CPPED1: variants seen among roughly 807,000 people sequenced by gnomAD.
CPPED1 encodes the protein calcineurin like phosphoesterase domain containing 1, also known as serine/threonine-protein phosphatase CPPED1.
A neutral mutation model predicts 28.0 loss-of-function variants in CPPED1; 28 were observed. The observed-to-expected ratio is 1.00, with a 90% CI of 0.74 to 1.37. The LOEUF (loss-of-function observed/expected upper bound fraction) is 1.37, where lower values mean the gene tolerates loss of function less well. Among genes scored for constraint, CPPED1 ranks in the 40% most tolerant of loss-of-function variants. The pLI, the probability that CPPED1 is intolerant of heterozygous loss-of-function variation, is 0.00. For synonymous variants in CPPED1, 198 were observed against 180.2 expected (o/e 1.10, Z -0.79); for missense variants, 504 against 416.5 (o/e 1.21, Z -1.83).
chr16:12,707,625 G>C (rs2080058574), intron 2 of CPPED1, among the ~76,000 whole-genome samples: 1 of 152,154 alleles, frequency 6.6e-6, no homozygotes, highest in Admixed American at 6.6e-5. Context: ...AATCCCTAAT[G>C]ACCATAAACA....
chr16:12,668,554 C>T (rs895763890), intron 3 of CPPED1, among the ~76,000 whole-genome samples: 3 of 152,126 alleles, frequency 2.0e-5, no homozygotes, highest in Non-Finnish European at 4.4e-5. Context: ...GAAAAGACAA[C>T]CCATGGAATG....
intron 3 of CPPED1, among the ~76,000 whole-genome samples, chr16:12,683,830 T>G (rs138538184): frequency 2.0e-5 from 3 of 152,326 alleles, no homozygotes; most frequent in African/African-American, 7.2e-5. Flanking sequence ...AACTATGATT[T>G]ATCTACCCCG....
Position 12,691,929 on chromosome 16 carries a change from A to T in CPPED1, c.715+12695T>A, listed in dbSNP as rs554981515. On this transcript the variant is annotated intron_variant, in intron 3 of 3. Coordinates refer to ENST00000381774, the MANE Select transcript of CPPED1 (RefSeq NM_018340.3). ...GTATACGTATGTAACAAACCTGCAC[A>T]TTGTTCACATGTACCCTAAAACTTA... Among the ~76,000 whole-genome samples the T allele has an allele frequency of 2.0e-5, 3 of 151,862 alleles. No homozygotes were observed. In the South Asian group the frequency reaches 6.2e-4, roughly 32 times the overall value.
intron 3 of CPPED1, among the ~76,000 whole-genome samples, chr16:12,703,750 C>T (rs1417548331): frequency 6.7e-6 from 1 of 149,482 alleles, no homozygotes; most frequent in East Asian, 2.0e-4. Context: ...AGAGACACAA[C>T]AGTTGTCAAA....
chr16:12,682,659 G>A lies in CPPED1; in HGVS notation c.716-17544C>T, dbSNP rs913364704. Among the ~76,000 whole-genome samples the A allele has an allele frequency of 3.9e-5, 6 of 152,186 alleles. No homozygotes were observed. The highest frequency in any genetic ancestry group is 7.3e-5 in the Non-Finnish European group (5 of 68,032). On this transcript the variant is annotated intron_variant, in intron 3 of 3. Transcript: ENST00000381774. This position sits in a 1 kb window ranked among gnomAD's most constrained non-coding sequence, Gnocchi z 6.1. ...GAAGATAAGTGAGAATCAGGGACAC[G>A]CCCTGGGTGGCACAGCAGGAAGCTG...
At chr16:12,717,914 T>C (rs2080116033) in intron 2 of CPPED1, among the ~76,000 whole-genome samples, 1 of 152,222 alleles carries the variant, frequency 6.6e-6, no homozygotes, top group Non-Finnish European at 1.5e-5. Context: ...AGTGCTGTGA[T>C]TACAGGCGTG....
intron 3 of CPPED1, among the ~76,000 whole-genome samples, chr16:12,672,223 A>G (rs138663884): frequency 6.6e-6 from 1 of 152,356 alleles, no homozygotes; most frequent in African/African-American, 2.4e-5. Context: ...TAAGGGGGCA[A>G]TCTAGCAATA....
At chr16:12,781,563 G>C (rs1169466825) in intron 1 of CPPED1, among the ~76,000 whole-genome samples, 160 bp from the exon 2 acceptor site, 1 of 152,094 alleles carries the variant, frequency 6.6e-6, no homozygotes, top group East Asian at 1.9e-4. Flanking sequence ...TCATAGTCTA[G>C]AGGATTTTGA....
At chr16:12,767,405 C>T (rs556371513) in intron 2 of CPPED1, among the ~76,000 whole-genome samples, 17 of 152,152 alleles carry the variant, frequency 1.1e-4, no homozygotes, top group Non-Finnish European at 1.8e-4. Flanking sequence ...GTCACCCTCA[C>T]GAACACACCC....
chr16:12,761,882 G>T (rs146829502), intron 2 of CPPED1, among the ~76,000 whole-genome samples: 1 of 152,104 alleles, frequency 6.6e-6, no homozygotes, highest in Non-Finnish European at 1.5e-5. Context: ...ATGGTGGCAC[G>T]TGCCTGTAAT....
chr16:12,723,137 C>T (rs911923656), intron 2 of CPPED1, among the ~76,000 whole-genome samples: 2 of 152,156 alleles, frequency 1.3e-5, no homozygotes, highest in East Asian at 1.9e-4. Context: ...CACATGCACA[C>T]GCATGTACAC....
chr16:12,677,541 C>T (rs945689464), intron 3 of CPPED1, among the ~76,000 whole-genome samples: 52 of 152,190 alleles, frequency 3.4e-4, no homozygotes, highest in African/African-American at 1.2e-3. Flanking sequence ...ACTTGGGAGG[C>T]TGAGGCACGA....
chr16:12,794,720 T>C (rs886707349), intron 1 of CPPED1, among the ~76,000 whole-genome samples: 1 of 152,222 alleles, frequency 6.6e-6, no homozygotes, highest in African/African-American at 2.4e-5. Flanking sequence ...GGTCGGATCT[T>C]AGAGCATTTT....
At chr16:12,746,819 G>A (rs952703435) in intron 2 of CPPED1, among the ~76,000 whole-genome samples, 1 of 152,102 alleles carries the variant, frequency 6.6e-6, no homozygotes, top group African/African-American at 2.4e-5. Context: ...GGGTGATATC[G>A]CTTGCAGGTG....
At chr16:12,685,933 C>T (rs1237512331) in intron 3 of CPPED1, among the ~76,000 whole-genome samples, 1 of 152,218 alleles carries the variant, frequency 6.6e-6, no homozygotes, top group Non-Finnish European at 1.5e-5. Flanking sequence ...AGAATTGCAT[C>T]AGCCAGCTGA....
rs2079912219 is a variant in CPPED1, at chr16:12,682,745, T to C, written c.716-17630A>G. 6.6e-6 allele frequency among the ~76,000 whole-genome samples: 1 copy of C among 152,278 alleles called. No individual in the cohort carries two copies. Among genetic ancestry groups the C allele is most frequent in the Non-Finnish European group, 1.5e-5 (1 of 68,042 alleles). ...CTTTCCTCTCATCCTTCTCTAAGTA[T>C]CTGATCAGAAGATCTTTTTCTTTTC... is the stretch of plus-strand genomic sequence containing the variant. On this transcript the variant is annotated intron_variant, in intron 3 of 3. Transcript: ENST00000381774. This position sits in a 1 kb window ranked among gnomAD's most constrained non-coding sequence, Gnocchi z 6.1.
intron 2 of CPPED1, among the ~76,000 whole-genome samples, chr16:12,731,690 T>C (rs1422094066): frequency 2.0e-5 from 3 of 151,390 alleles, no homozygotes; most frequent in Admixed American, 6.6e-5. Context: ...TCCCCCGCAT[T>C]TGTCAGTTTT....
intron 1 of CPPED1, among the ~76,000 whole-genome samples, chr16:12,800,234 T>C (rs2080651047): frequency 6.6e-6 from 1 of 151,786 alleles, no homozygotes; most frequent in Admixed American, 6.6e-5. Context: ...AGGTCAGGAG[T>C]CCCAGACCAG....
intron 2 of CPPED1, among the ~76,000 whole-genome samples, chr16:12,731,109 A>G (rs1023225953): frequency 1.3e-5 from 2 of 151,572 alleles, no homozygotes; most frequent in African/African-American, 4.8e-5. Context: ...GGAGTTCGAG[A>G]CCAGCCTGGG....
Sources: allele counts gnomAD v4.1 joint callset (sites outside exome capture counted in the v4.1 genomes callset), GRCh38; gene constraint gnomAD v4.1.1; non-coding constraint Gnocchi (gnomAD v3.1); transcripts MANE v1.5; gene names NCBI Gene and HGNC (gene_info 2026-07-23, HGNC 2026-07-21).